Variants in IQSEC2 observed in about 807,000 individuals in gnomAD.
IQSEC2 encodes the protein IQ motif and Sec7 domain ArfGEF 2.
A neutral mutation model predicts 74.6 loss-of-function variants in IQSEC2; 6 were observed. The observed-to-expected ratio is 0.08, with a 90% CI of 0.04 to 0.16. The LOEUF (loss-of-function observed/expected upper bound fraction) is 0.16. IQSEC2 is among the 10% of genes least tolerant of loss of function. IQSEC2 has a pLI of 1.00. For missense variants in IQSEC2, 734 were observed against 1,306.2 expected, an observed-to-expected ratio of 0.56 and a Z score of 6.75; for synonymous variants, 494 against 544.5, an observed-to-expected ratio of 0.91 and a Z score of 1.29.
intron 1 of IQSEC2, among the ~76,000 whole-genome samples, chrX:53,300,667 C>T (rs1180459030): frequency 9.0e-6 from 1 of 111,405 alleles, no homozygotes; most frequent in African/African-American, 3.3e-5. Flanking sequence ...CTAGAGGGAC[C>T]ATCTAGAAAG....
chrX:53,272,398 T>C (rs782193788), intron 2 of IQSEC2, among the ~76,000 whole-genome samples: 1 of 112,134 alleles, frequency 8.9e-6, no homozygotes, highest in South Asian at 3.8e-4. Flanking sequence ...CTGAATGCAT[T>C]CATCTGAATG....
At position 53,320,770 on chromosome X, in the gene IQSEC2, G is replaced by A; in HGVS notation, c.354C>T (p.Asn118=). ...HQAARDVGYP[N]REGAYQNREA... ...CCCGATTCTGGTAGGCGCCTTCCCG[G>A]TTCGGGTAGCCCACGTCCCGGGCCG... Residue 118 remains asparagine (N), a synonymous_variant, in exon 1 of 15, where the codon AAC becomes AAT. Coordinates refer to ENST00000642864, the MANE Select transcript of IQSEC2 (RefSeq NM_001111125.3). 8.6e-7 allele frequency: 1 copy of A among 1,167,319 alleles called. No individual in the cohort carries two copies. Among genetic ancestry groups the A allele is most frequent in the South Asian group, 1.9e-5 (1 of 52,714 alleles).
chrX:53,273,145 G>A (rs1005911483), intron 2 of IQSEC2, among the ~76,000 whole-genome samples: 1 of 109,267 alleles, frequency 9.2e-6, no homozygotes, highest in Non-Finnish European at 1.9e-5. Context: ...ACGTCATCCT[G>A]CTTGGAAGGG....
intron 12 of IQSEC2, chrX:53,237,798 G>A (rs2074158277): frequency 3.9e-6 from 1 of 255,476 alleles, no homozygotes; most frequent in Non-Finnish European, 7.2e-6. Context: ...AAGAAACTGG[G>A]GCTTGGCAGG....
Position 53,250,760 on chromosome X carries a change from G to A in IQSEC2, c.1816C>T (p.Leu606=), listed in dbSNP as rs2147099953. The change falls in exon 5 of 15, where the codon CTG becomes TTG. Residue 606 remains leucine, a synonymous_variant. Transcript: ENST00000642864. ...IEPPSDSSVD[L]SDRSDRGSVH... is the part of the protein sequence containing the mutation. The stretch of plus-strand genomic sequence containing the variant: ...GAGCCGCGATCTGAGCGGTCACTCA[G>A]GTCCACGGAGCTGTCACTAGGAGGC... 2.3e-5 allele frequency: 28 copies of A among 1,210,798 alleles called. No individual in the cohort carries two copies. The highest frequency in any genetic ancestry group is 3.0e-5 in the Non-Finnish European group (27 of 894,917).
intron 4 of IQSEC2, among the ~76,000 whole-genome samples, chrX:53,251,532 T>A (rs964619879): frequency 9.0e-5 from 10 of 111,278 alleles, no homozygotes; most frequent in Non-Finnish European, 1.7e-4. Context: ...TAAACCAAAA[T>A]CCCAGTTTCC....
chrX:53,245,581 C>G (rs2074292612), intron 8 of IQSEC2, among the ~76,000 whole-genome samples: 1 of 111,909 alleles, frequency 8.9e-6, no homozygotes, highest in Admixed American at 9.5e-5. Flanking sequence ...CACAGCGGCA[C>G]AAACCTGATG....
At chrX:53,231,616 C>T (rs782294220), downstream of IQSEC2, 2 of 111,965 alleles carry the variant, frequency 1.8e-5, no homozygotes, top group South Asian at 3.7e-4. Flanking sequence ...AAATGCAGCA[C>T]AGGCAAGTCA....
rs1317370153 is a variant in IQSEC2, at chrX:53,320,839, G to A, written c.285C>T (p.Thr95=). Residue 95 remains threonine (T), a synonymous_variant, in exon 1 of 15, where the codon ACC becomes ACT. Coordinates refer to ENST00000642864, the MANE Select transcript of IQSEC2 (RefSeq NM_001111125.3). ...RESQYQNLRE[T]QFHHRELRES... ...CCCGCAGCTCGCGGTGGTGGAACTG[G>A]GTCTCGCGCAGGTTCTGGTACTGGC... The A allele has an allele frequency of 8.6e-7, 1 of 1,161,997 alleles. No individual in the cohort carries two copies. The highest frequency in any genetic ancestry group is 1.1e-6 in the Non-Finnish European group (1 of 870,521).
chrX:53,283,121 T>A (rs1265613674), intron 2 of IQSEC2, among the ~76,000 whole-genome samples: 9 of 111,942 alleles, frequency 8.0e-5, no homozygotes, highest in Non-Finnish European at 1.5e-4. Flanking sequence ...GAGGCTGAGG[T>A]GGGAGGATCG....
intron 2 of IQSEC2, among the ~76,000 whole-genome samples, chrX:53,270,288 C>G (rs1198324465): frequency 1.8e-5 from 2 of 111,463 alleles, no homozygotes; most frequent in African/African-American, 6.5e-5. Flanking sequence ...CTAAATAGCT[C>G]TAAAAGATAG....
intron 8 of IQSEC2, among the ~76,000 whole-genome samples, chrX:53,244,120 G>A (rs1357851944): frequency 9.1e-6 from 1 of 109,543 alleles, no homozygotes; most frequent in Non-Finnish European, 1.9e-5. Context: ...TCGGGAGGCT[G>A]AGGCAGAATT....
At chrX:53,239,012 C>T (rs1241340011) in intron 11 of IQSEC2, among the ~76,000 whole-genome samples, 183 bp downstream of exon 11, 5 of 111,202 alleles carry the variant, frequency 4.5e-5, no homozygotes, top group African/African-American at 1.6e-4. Context: ...ATGAGCTAAC[C>T]AGGGGCTAGA....
At chrX:53,287,676 G>A (rs61084111) in intron 2 of IQSEC2, among the ~76,000 whole-genome samples, 2 of 112,484 alleles carry the variant, frequency 1.8e-5, no homozygotes, top group South Asian at 3.7e-4. Flanking sequence ...CTCATCCCCA[G>A]GGCTGCTAAT....
Position 53,251,185 on chromosome X carries a change from G to C in IQSEC2, c.1402-11C>G, listed in dbSNP as rs187186062. ...AGCCAGAGACTTTACCTGTGCAAGG[G>C]GGGGAGGAGAGGAGGGAAAGGGAGA... On this transcript the variant is annotated splice_polypyrimidine_tract_variant and intron_variant, in intron 4 of 14. Coordinates refer to ENST00000642864, the MANE Select transcript of IQSEC2 (RefSeq NM_001111125.3). The C allele has an allele frequency of 3.6e-5, 43 of 1,203,540 alleles. No homozygotes were observed. Among genetic ancestry groups the C allele is most frequent in the Admixed American group, 1.1e-4 (5 of 45,722 alleles).
chrX:53,247,252 G>A (rs2074320888), intron 7 of IQSEC2, 117 bp from the exon 8 acceptor site: 2 of 698,799 alleles, frequency 2.9e-6, no homozygotes, highest in African/African-American at 2.1e-5. Flanking sequence ...CTTGATCTCT[G>A]GGTCTGTCCT....
At chrX:53,256,847 G>T (rs1556865383) in intron 2 of IQSEC2, among the ~76,000 whole-genome samples, 1 of 112,593 alleles carries the variant, frequency 8.9e-6, no homozygotes, top group Non-Finnish European at 1.9e-5. Flanking sequence ...GCTGGGGGAA[G>T]GGGGCAGGGG....
At chrX:53,306,362 G>A (rs2075262830) in intron 1 of IQSEC2, among the ~76,000 whole-genome samples, 1 of 111,832 alleles carries the variant, frequency 8.9e-6, no homozygotes, top group South Asian at 3.8e-4. Context: ...GGCAGGGGCA[G>A]GGCTGGGATC....
intron 2 of IQSEC2, among the ~76,000 whole-genome samples, chrX:53,262,165 G>T (rs1414322726): frequency 8.9e-6 from 1 of 112,311 alleles, no homozygotes; most frequent in Non-Finnish European, 1.9e-5. Context: ...GAGATGAAGA[G>T]TGAGGGAACC....
Sources: gnomAD v4.1 joint callset for allele counts (sites outside exome capture counted in the v4.1 genomes callset) on GRCh38, gnomAD v4.1.1 for gene constraint, MANE v1.5 for transcripts, NCBI Gene and HGNC (gene_info 2026-07-23, HGNC 2026-07-21) for gene names.